Variants in CCDC138 observed in about 807,000 individuals in gnomAD.
The protein encoded by CCDC138 is coiled-coil domain containing 138.
In CCDC138, 66 loss-of-function variants were observed where a neutral mutation model predicts 82.3. The observed-to-expected ratio is 0.80, with a 90% CI of 0.66 to 0.98. The LOEUF (loss-of-function observed/expected upper bound fraction) is 0.98. Among genes scored for constraint, CCDC138 ranks in the 50% least tolerant of loss-of-function variants. The pLI, the probability that CCDC138 is intolerant of heterozygous loss-of-function variation, is 0.00. For synonymous variants in CCDC138, 297 were observed against 265.4 expected (o/e 1.12, Z -1.16); for missense variants, 816 against 758.9 (o/e 1.08, Z -0.88).
chr2:108,881,314 C>G (rs1696285186), downstream of CCDC138, among the ~76,000 whole-genome samples: 1 of 152,352 alleles, frequency 6.6e-6, no homozygotes, highest in South Asian at 2.1e-4. Context: ...ACCTTTCCTT[C>G]TGCAGCTTCC....
At position 108,809,447 on chromosome 2, in the gene CCDC138, G is replaced by GTT. The variant is rs201080733; in HGVS notation, c.856-3183_856-3182dup. Among the ~76,000 whole-genome samples the GTT allele has an allele frequency of 3.7e-3, 387 of 104,854 alleles. 3 individuals are homozygous for GTT. The highest frequency in any genetic ancestry group is 0.012 in the African/African-American group (311 of 25,954). 68.8% of individuals were successfully genotyped at this position (104,854 alleles called of 152,430 possible). ...TTGTTCCAGTCCATGAACATGAAATGTTGTGTGTGTGTGTGTGTGTGTGTG... is the reference window on the plus strand; with the variant it reads ...TTGTTCCAGTCCATGAACATGAAATGTTTTGTGTGTGTGTGTGTGTGTGTGTG... On this transcript the variant is annotated intron_variant, in intron 7 of 14. Coordinates refer to ENST00000295124, the MANE Select transcript of CCDC138 (RefSeq NM_144978.3).
At chr2:108,847,808 G>A (rs796142535) in intron 12 of CCDC138, among the ~76,000 whole-genome samples, 2 of 152,152 alleles carry the variant, frequency 1.3e-5, no homozygotes, top group African/African-American at 4.8e-5. Flanking sequence ...AGTTACTCCC[G>A]ATGGTATGGA....
chr2:108,820,194 A>T (rs910663330), intron 10 of CCDC138, among the ~76,000 whole-genome samples: 6 of 152,174 alleles, frequency 3.9e-5, no homozygotes, highest in African/African-American at 1.4e-4. Flanking sequence ...GGTCACTTGA[A>T]GCCAGGTGTT....
Position 108,798,751 on chromosome 2 carries a change from C to T in CCDC138, c.735+165C>T, listed in dbSNP as rs1681356347. 2.3e-5 allele frequency among the ~76,000 whole-genome samples: 3 copies of T among 127,962 alleles called. No individual in the cohort carries two copies. The South Asian group carries it at 7.9e-4, about 34-fold the overall frequency. The allele number at this position is 127,962 out of a possible 152,430, so 83.9% of individuals were successfully genotyped here. A position where few individuals can be genotyped will look rare whatever the true frequency, so the allele number is the denominator to read the frequency against. On this transcript the variant is annotated intron_variant, in intron 6 of 14. Transcript: ENST00000295124. Reference sequence around the variant, plus strand: ...CACACACACACACACTTTTTCTGATCCATTTGAAAGCACATTTTGGCACAT... The same window carrying T: ...CACACACACACACACTTTTTCTGATTCATTTGAAAGCACATTTTGGCACAT...
At chr2:108,871,923 T>C (rs2105207369) in intron 13 of CCDC138, among the ~76,000 whole-genome samples, 1 of 152,318 alleles carries the variant, frequency 6.6e-6, no homozygotes. Context: ...TTATATTCAG[T>C]GATCAAGACT....
At chr2:108,878,651 A>G (rs952241322), downstream of CCDC138, among the ~76,000 whole-genome samples, 12 of 152,172 alleles carry the variant, frequency 7.9e-5, no homozygotes, top group African/African-American at 2.9e-4. Context: ...GAGACCTTTT[A>G]TTTGAAAAAA....
At chr2:108,881,477 T>G (rs1218558213), downstream of CCDC138, among the ~76,000 whole-genome samples, 2 of 152,268 alleles carry the variant, frequency 1.3e-5, no homozygotes, top group East Asian at 3.8e-4. Flanking sequence ...GTGTGTTGTC[T>G]GGAGTAGCAC....
At chr2:108,869,080 A>G (rs186185776) in intron 13 of CCDC138, among the ~76,000 whole-genome samples, 176 of 152,166 alleles carry the variant, frequency 1.2e-3, no homozygotes, top group African/African-American at 4.2e-3. Flanking sequence ...GTACATGCTC[A>G]AGCAGAGCAA....
intron 6 of CCDC138, among the ~76,000 whole-genome samples, chr2:108,802,003 C>T (rs1232490455): frequency 8.4e-6 from 1 of 119,308 alleles, no homozygotes; most frequent in African/African-American, 3.1e-5. Context: ...TGTTTTGGTA[C>T]CAGTACCATG....
At chr2:108,877,217 C>T (rs999239049), downstream of CCDC138, among the ~76,000 whole-genome samples, 1 of 152,026 alleles carries the variant, frequency 6.6e-6, no homozygotes, top group East Asian at 1.9e-4. Flanking sequence ...CCTGTAATCC[C>T]AGCACTCTAG....
chr2:108,787,458 T>G (rs566395199), intron 1 of CCDC138, among the ~76,000 whole-genome samples: 1 of 152,352 alleles, frequency 6.6e-6, no homozygotes, highest in Non-Finnish European at 1.5e-5. Context: ...AAATAACTTG[T>G]GCATTTTTCC....
chr2:108,812,799 C>T, intron 8 of CCDC138, 21 bp from the exon 9 acceptor site: 2 of 1,611,218 alleles, frequency 1.2e-6, no homozygotes, highest in South Asian at 1.1e-5. Context: ...TTCTTTAATT[C>T]ACGCATATAT....
chr2:108,805,503 AT>A (rs1682708661), intron 7 of CCDC138, among the ~76,000 whole-genome samples: 1 of 151,960 alleles, frequency 6.6e-6, no homozygotes, highest in South Asian at 2.1e-4. Context: ...AGGTGGGCGG[AT>A]CACGAGGTCA....
Position 108,786,881 on chromosome 2 carries a change from G to A in CCDC138, c.59G>A (p.Ser20Asn), listed in dbSNP as rs1678870384. ...GATTTAGTAGTGGAGAGTCTCAAAA[G>A]CCGCTACGGACTCGGGGGCAGCTGC... ...GQDLVVESLK[S>N]RYGLGGSCPD... Residue 20 changes from serine (S) to asparagine (N), a missense_variant, in exon 1 of 15, where the codon AGC becomes AAC. Physicochemically the swap from Ser to Asn is conservative, Grantham distance 46 (BLOSUM62 1). Transcript: ENST00000295124. 6.4e-7 allele frequency: 1 copy of A among 1,570,984 alleles called. No individual in the cohort carries two copies. Among genetic ancestry groups the A allele is most frequent in the South Asian group, 1.2e-5 (1 of 86,426 alleles).
At position 108,787,044 on chromosome 2, in the gene CCDC138, G is replaced by A. The variant is rs541680889; in HGVS notation, c.93+129G>A. On this transcript the variant is annotated intron_variant, in intron 1 of 14. Transcript: ENST00000295124. ...CGGCCCCGGCACTCCCGCCGTGGCT[G>A]CGGCTTGGGCCTCGTGGAAGCAGGC... is the stretch of plus-strand genomic sequence containing the variant. The A allele has an allele frequency of 1.4e-5, 7 of 487,134 alleles. No homozygotes were observed. The South Asian group carries it at 6.7e-4, about 47-fold the overall frequency. The allele number at this position is 487,134 out of a possible 1,614,324, so 30.2% of individuals were successfully genotyped here.
At position 108,805,074 on chromosome 2, in the gene CCDC138, A is replaced by T. The variant is rs904592577; in HGVS notation, c.855+66A>T. The T allele has an allele frequency of 5.4e-5, 49 of 901,282 alleles. No homozygotes were observed. The African/African-American group carries it at 8.4e-4, about 15-fold the overall frequency. 55.8% of individuals were successfully genotyped at this position (901,282 alleles called of 1,614,324 possible). On this transcript the variant is annotated intron_variant, in intron 7 of 14. Coordinates refer to ENST00000295124, the MANE Select transcript of CCDC138 (RefSeq NM_144978.3). ...AAGAAGTATATTTTATATATAACAAATTAAAGTCAGCCTTAGAACACGTTT... is the reference window on the plus strand; with the variant it reads ...AAGAAGTATATTTTATATATAACAATTTAAAGTCAGCCTTAGAACACGTTT...
intron 14 of CCDC138, among the ~76,000 whole-genome samples, chr2:108,874,881 A>G (rs1695796677): frequency 6.6e-6 from 1 of 151,120 alleles, no homozygotes; most frequent in Admixed American, 6.6e-5. Flanking sequence ...CTGCAATAAC[A>G]TTACTTAGAT....
chr2:108,838,586 T>A (rs528030174), intron 10 of CCDC138, among the ~76,000 whole-genome samples: 2 of 152,108 alleles, frequency 1.3e-5, no homozygotes, highest in African/African-American at 4.8e-5. Context: ...CTGAAATCAT[T>A]TAGCAAAATG....
At chr2:108,848,772 A>G (rs926791474) in intron 12 of CCDC138, among the ~76,000 whole-genome samples, 5 of 152,188 alleles carry the variant, frequency 3.3e-5, no homozygotes, top group South Asian at 4.1e-4. Flanking sequence ...ATGAGTAATA[A>G]TTTATTTAAT....
Sources: allele counts gnomAD v4.1 joint callset (sites outside exome capture counted in the v4.1 genomes callset), GRCh38; gene constraint gnomAD v4.1.1; transcripts MANE v1.5; gene names NCBI Gene and HGNC (gene_info 2026-07-23, HGNC 2026-07-21).